PAQR5: variants seen among roughly 807,000 people sequenced by gnomAD.
PAQR5 encodes progestin and adipoQ receptor family member 5, also known as membrane progestin receptor gamma.
A neutral mutation model predicts 34.5 loss-of-function variants in PAQR5; 20 were observed. The observed-to-expected ratio is 0.58, with a 90% CI of 0.41 to 0.84. The LOEUF is 0.84. Among genes scored for constraint, PAQR5 ranks in the 40% least tolerant of loss-of-function variants. PAQR5 has a pLI of 0.00. For missense variants in PAQR5, 378 were observed against 412.7 expected (o/e 0.92, Z 0.73); for synonymous variants, 131 against 155.6 (o/e 0.84, Z 1.18).
rs201354229 is a variant in PAQR5, at chr15:69,322,793, A to G, written c.-276-14548A>G. 2.0e-3 allele frequency among the ~76,000 whole-genome samples: 224 copies of G among 114,270 alleles called. 33 individuals are homozygous for G. The highest frequency in any genetic ancestry group is 0.015 in the Middle Eastern group (3 of 204). 75.0% of individuals were successfully genotyped at this position (114,270 alleles called of 152,430 possible). On this transcript the variant is annotated intron_variant, in intron 1 of 8. Coordinates refer to ENST00000395407, the MANE Select transcript of PAQR5 (RefSeq NM_017705.4). ...AAGAGGGAGAAGAAGAAGACGAGGA[A>G]GAAGAAGAAGAGGAAGAGGAAGAAG...
chr15:69,352,639 G>A (rs565498000), intron 2 of PAQR5, among the ~76,000 whole-genome samples: 8 of 152,280 alleles, frequency 5.3e-5, no homozygotes, highest in Non-Finnish European at 7.4e-5. Context: ...CAGCTGCAGC[G>A]CTATGGCCCT....
intron 1 of PAQR5, among the ~76,000 whole-genome samples, chr15:69,313,351 T>C (rs2053871594): frequency 1.3e-5 from 2 of 151,960 alleles, no homozygotes; most frequent in South Asian, 4.2e-4. Context: ...TTTTAAAAAT[T>C]AGCTGGGCAT....
chr15:69,356,903 T>C (rs1358451480), intron 2 of PAQR5, among the ~76,000 whole-genome samples: 1 of 152,196 alleles, frequency 6.6e-6, no homozygotes, highest in Non-Finnish European at 1.5e-5. Flanking sequence ...GCAAGTCTCA[T>C]GTTGAAATGT....
Position 69,404,697 on chromosome 15 carries a change from A to T in PAQR5, c.*875A>T. The stretch of plus-strand genomic sequence containing the variant: ...GTCATACATTTGATATTGCTTCAGC[A>T]TTTCAAATATGTTGCAAAATTTAGT... On this transcript the variant is annotated 3_prime_UTR_variant, in exon 9 of 9. Transcript: ENST00000395407. The T allele has an allele frequency of 2.7e-6, 1 of 370,032 alleles. No individual in the cohort carries two copies. The highest frequency in any genetic ancestry group is 4.8e-6 in the Non-Finnish European group (1 of 208,670). 22.9% of individuals were successfully genotyped at this position (370,032 alleles called of 1,614,324 possible).
intron 2 of PAQR5, among the ~76,000 whole-genome samples, chr15:69,337,802 A>T (rs2054544739): frequency 6.6e-6 from 1 of 152,034 alleles, no homozygotes; most frequent in Admixed American, 6.6e-5. Context: ...ACTTGCTTTT[A>T]AAAAAATGGG....
At chr15:69,304,896 C>T (rs2053680501) in intron 1 of PAQR5, among the ~76,000 whole-genome samples, 1 of 152,230 alleles carries the variant, frequency 6.6e-6, no homozygotes, top group South Asian at 2.1e-4. Context: ...TAGCTTGCCA[C>T]TTGTTTTGGA....
chr15:69,354,044 C>T (rs555781576), intron 2 of PAQR5, among the ~76,000 whole-genome samples: 89 of 152,270 alleles, frequency 5.8e-4, no homozygotes, highest in African/African-American at 2.0e-3. Context: ...GCTCTTTGGG[C>T]CTCTCTTAGA....
chr15:69,340,372 CTT>C (rs1394315621), intron 2 of PAQR5, among the ~76,000 whole-genome samples: 5 of 152,184 alleles, frequency 3.3e-5, no homozygotes, highest in Non-Finnish European at 7.3e-5. Flanking sequence ...ACGATTCTAT[CTT>C]TAAATGTTAA....
At chr15:69,305,533 G>C (rs1407006126) in intron 1 of PAQR5, among the ~76,000 whole-genome samples, 2 of 152,112 alleles carry the variant, frequency 1.3e-5, no homozygotes, top group East Asian at 3.9e-4. Flanking sequence ...CTCGGAGTGA[G>C]GGGGAGAGAG....
At chr15:69,392,616 T>C (rs1190556071) in intron 6 of PAQR5, among the ~76,000 whole-genome samples, 2 of 152,012 alleles carry the variant, frequency 1.3e-5, no homozygotes, top group African/African-American at 2.4e-5. Flanking sequence ...CCCAGTGCCA[T>C]AGGAGAGACA....
chr15:69,302,862 G>A (rs1407141982), intron 1 of PAQR5, among the ~76,000 whole-genome samples: 1 of 152,182 alleles, frequency 6.6e-6, no homozygotes, highest in East Asian at 1.9e-4. Context: ...CTCCTAACAA[G>A]GATGCAGCAG....
At position 69,386,233 on chromosome 15, in the gene PAQR5, TCA is replaced by T. The variant is rs779997396; in HGVS notation, c.385+1363_385+1364del. Among the ~76,000 whole-genome samples, 276 of 145,804 alleles carry T rather than the reference TCA, an allele frequency of 1.9e-3. 4 individuals are homozygous for T. Among genetic ancestry groups the T allele is most frequent in the African/African-American group, 5.5e-3 (214 of 39,230 alleles). The stretch of plus-strand genomic sequence containing the variant: ...TCACACACTCACACTCTCACATACA[TCA>T]CACACACACACCACACACACACATC... On this transcript the variant is annotated intron_variant, in intron 5 of 8. Coordinates refer to ENST00000395407, the MANE Select transcript of PAQR5 (RefSeq NM_017705.4).
chr15:69,302,429 C>A (rs953960762), intron 1 of PAQR5, among the ~76,000 whole-genome samples: 1 of 152,120 alleles, frequency 6.6e-6, no homozygotes, highest in Non-Finnish European at 1.5e-5. Flanking sequence ...GGAGGGGACA[C>A]CCCACCATGC....
rs2056727743 is a variant in PAQR5 at position 69,404,619 on chromosome 15, G to C, written c.*797G>C. 4.3e-6 allele frequency: 1 copy of C among 234,954 alleles called. No homozygotes were observed. Among genetic ancestry groups the C allele is most frequent in the Admixed American group, 5.6e-5 (1 of 17,814 alleles). The allele number at this position is 234,954 out of a possible 1,614,324, so 14.6% of individuals were successfully genotyped here. ...GAGTTGACTGAGTTAATCCCAATTG[G>C]TTGTGCTCATATGCCACCTTTTAAA... On this transcript the variant is annotated 3_prime_UTR_variant, in exon 9 of 9. Coordinates refer to ENST00000395407, the MANE Select transcript of PAQR5 (RefSeq NM_017705.4).
At chr15:69,380,286 T>C (rs2055847370) in intron 4 of PAQR5, 1 of 359,418 alleles carries the variant, frequency 2.8e-6, no homozygotes, top group Non-Finnish European at 5.1e-6. Context: ...CCTGATATGA[T>C]AGCATTTACC....
At chr15:69,400,511 G>A (rs2056592858) in intron 8 of PAQR5, among the ~76,000 whole-genome samples, 1 of 152,138 alleles carries the variant, frequency 6.6e-6, no homozygotes, top group African/African-American at 2.4e-5. Flanking sequence ...GAGCAACATA[G>A]TGAAACTCCA....
chr15:69,389,929 G>A, intron 6 of PAQR5, 149 bp downstream of exon 6: 1 of 857,174 alleles, frequency 1.2e-6, no homozygotes, highest in South Asian at 1.8e-5. Context: ...TTCCTATGCT[G>A]GCAAAACCAG....
At chr15:69,320,937 T>C (rs982727326) in intron 1 of PAQR5, among the ~76,000 whole-genome samples, 1 of 152,266 alleles carries the variant, frequency 6.6e-6, no homozygotes, top group Non-Finnish European at 1.5e-5. Flanking sequence ...GATATATTTG[T>C]GTGATATCTT....
intron 1 of PAQR5, among the ~76,000 whole-genome samples, chr15:69,324,212 C>T (rs1334669889): frequency 8.5e-5 from 13 of 152,098 alleles, no homozygotes; most frequent in Non-Finnish European, 1.9e-4. Flanking sequence ...ATGGCAACCC[C>T]CTGCCATCCT....
Sources: allele counts gnomAD v4.1 joint callset (sites outside exome capture counted in the v4.1 genomes callset), GRCh38; gene constraint gnomAD v4.1.1; transcripts MANE v1.5; gene names NCBI Gene and HGNC (gene_info 2026-07-23, HGNC 2026-07-21).